The following EVL variants were observed in gnomAD, a reference collection of about 807,000 sequenced individuals.
EVL encodes the protein Enah/Vasp-like, also known as ena/VASP-like protein.
EVL carries 21 observed loss-of-function variants against 59.6 expected under a neutral mutation model. The observed-to-expected ratio is 0.35, with a 90% CI of 0.25 to 0.51. EVL has a LOEUF of 0.51. Ranked by LOEUF, EVL falls within the 20% of genes least tolerant of loss-of-function variation. The probability of loss-of-function intolerance (pLI) is 0.97; values close to 1 mark genes in which losing one functional copy is unlikely to be tolerated. For missense variants in EVL, 462 were observed against 546.6 expected (o/e 0.85, Z 1.54); for synonymous variants, 198 against 203.5 (o/e 0.97, Z 0.23).
intron 3 of EVL, chr14:100,107,467 G>C: frequency 2.5e-6 from 1 of 396,264 alleles, no homozygotes; most frequent in East Asian, 3.6e-5. Flanking sequence ...CCCAGTGAGG[G>C]GGAGGATGTG....
intron 2 of EVL, among the ~76,000 whole-genome samples, chr14:100,091,667 C>A (rs995724066): frequency 1.3e-5 from 2 of 152,130 alleles, no homozygotes; most frequent in Non-Finnish European, 2.9e-5. Flanking sequence ...ACCCGTAAAC[C>A]TAGGTAAACG....
Position 99,972,313 on chromosome 14 carries a change from C to T in EVL, c.5+256C>T, listed in dbSNP as rs1016062004. On this transcript the variant is annotated intron_variant, in intron 1 of 13. Transcript: ENST00000402714. The surrounding 1 kb of genome is among the most constrained non-coding windows in gnomAD (Gnocchi z 4.4). The stretch of plus-strand genomic sequence containing the variant: ...GCAGTGTTCTGCAAGGGGCAGGCGG[C>T]GCTGGCTTTGGCTGCTTGTGGGGTC... 4.6e-5 allele frequency among the ~76,000 whole-genome samples: 7 copies of T among 152,010 alleles called. No homozygotes were observed. Among genetic ancestry groups the T allele is most frequent in the Non-Finnish European group, 1.0e-4 (7 of 67,978 alleles).
At chr14:100,053,554 G>A (rs931225652) in intron 1 of EVL, among the ~76,000 whole-genome samples, 2 of 152,194 alleles carry the variant, frequency 1.3e-5, no homozygotes, top group Admixed American at 1.3e-4. Context: ...CAAAGTTATG[G>A]ATATTTTATT....
At chr14:100,125,289 CA>C (rs1389946884) in intron 4 of EVL, among the ~76,000 whole-genome samples, 1 of 146,090 alleles carries the variant, frequency 6.8e-6, no homozygotes, top group East Asian at 2.0e-4. Context: ...CACACACACA[CA>C]CACGGCAGGG....
intron 1 of EVL, among the ~76,000 whole-genome samples, chr14:99,982,929 AG>A (rs2140171860): frequency 6.6e-6 from 1 of 152,328 alleles, no homozygotes; most frequent in East Asian, 1.9e-4. Flanking sequence ...GTTTTTCTCA[AG>A]TATAAATGAG....
intron 2 of EVL, 150 bp downstream of exon 2, chr14:100,085,005 C>T (rs1232061399): frequency 3.9e-6 from 3 of 762,656 alleles, no homozygotes; most frequent in African/African-American, 3.5e-5. Flanking sequence ...ACTCCATATC[C>T]TCATAGTTCA....
chr14:100,019,455 G>T, intron 1 of EVL: 2 of 541,604 alleles, frequency 3.7e-6, no homozygotes, highest in Admixed American at 7.4e-5. Flanking sequence ...TTTTCTAGCT[G>T]CCTCCCCTGT....
At chr14:100,023,677 G>A (rs2061165289) in intron 1 of EVL, among the ~76,000 whole-genome samples, 1 of 151,646 alleles carries the variant, frequency 6.6e-6, no homozygotes, top group Non-Finnish European at 1.5e-5. Context: ...GACCAGGCTG[G>A]TCTTGAACTC....
chr14:100,034,435 G>A (rs1175513780), intron 1 of EVL, among the ~76,000 whole-genome samples: 1 of 151,990 alleles, frequency 6.6e-6, no homozygotes, highest in Non-Finnish European at 1.5e-5. Flanking sequence ...ATAGTGGAAG[G>A]AGAATCTGGA....
chr14:100,097,668 G>A lies in EVL; in HGVS notation c.358+10G>A. 6.2e-7 allele frequency: 1 copy of A among 1,602,994 alleles called. No individual in the cohort carries two copies. Among genetic ancestry groups the A allele is most frequent in the Non-Finnish European group, 8.5e-7 (1 of 1,174,126 alleles). ...AATTCCCAAGAAGGAGGTAAGTAGG[G>A]CTTTGTCTTGGCCTGATGCTGAGAC... On this transcript the variant is annotated intron_variant, in intron 3 of 13. Transcript: ENST00000392920.
At chr14:100,086,423 A>G (rs1008196786) in intron 2 of EVL, among the ~76,000 whole-genome samples, 3 of 152,228 alleles carry the variant, frequency 2.0e-5, no homozygotes, top group African/African-American at 7.2e-5. Flanking sequence ...CTTTGACACA[A>G]GGTCCACCTT....
At chr14:100,031,967 GCTCCCCTGCCTAGT>G (rs2061321479) in intron 1 of EVL, among the ~76,000 whole-genome samples, 1 of 152,198 alleles carries the variant, frequency 6.6e-6, no homozygotes, top group African/African-American at 2.4e-5. Context: ...CCCTCGCAGG[GCTCCCCTGCCTAGT>G]TTTTCGGAAG....
intron 1 of EVL, among the ~76,000 whole-genome samples, chr14:100,055,852 A>G (rs887478757): frequency 4.6e-5 from 7 of 151,750 alleles, no homozygotes; most frequent in African/African-American, 7.3e-5. Context: ...TTGCTCTGTC[A>G]CCAGACTGGA....
chr14:100,009,929 A>G (rs2061005812), intron 1 of EVL, among the ~76,000 whole-genome samples: 1 of 152,226 alleles, frequency 6.6e-6, no homozygotes. Flanking sequence ...ACCTGGGATT[A>G]ACGGAAAGGA....
intron 8 of EVL, 126 bp from the exon 9 acceptor site, chr14:100,135,778 TA>T: frequency 1.2e-6 from 1 of 822,550 alleles, no homozygotes. Flanking sequence ...AATGTTTTGC[TA>T]ATTATAAAAG....
intron 1 of EVL, among the ~76,000 whole-genome samples, chr14:100,048,517 G>A (rs1395290513): frequency 6.6e-6 from 1 of 152,170 alleles, no homozygotes; most frequent in Non-Finnish European, 1.5e-5. Flanking sequence ...CTCCTACACT[G>A]CCAGAAGGAA....
intron 1 of EVL, among the ~76,000 whole-genome samples, chr14:100,077,092 G>A (rs1348235369): frequency 1.3e-5 from 2 of 152,212 alleles, no homozygotes; most frequent in Admixed American, 1.3e-4. Context: ...CTCCCAATGA[G>A]GGAAGAGGCT....
intron 3 of EVL, among the ~76,000 whole-genome samples, chr14:100,099,695 AC>A (rs1886071647): frequency 1.3e-5 from 2 of 149,278 alleles, no homozygotes; most frequent in South Asian, 4.3e-4. Flanking sequence ...GTCTGAACTT[AC>A]CTCGCCTGCC....
chr14:100,057,554 A>G (rs2061753902), intron 1 of EVL, among the ~76,000 whole-genome samples: 1 of 152,100 alleles, frequency 6.6e-6, no homozygotes, highest in Admixed American at 6.5e-5. Context: ...GGTATAAGAA[A>G]CAGTTGGACT....
Sources: gnomAD v4.1 joint callset for allele counts (sites outside exome capture counted in the v4.1 genomes callset) on GRCh38, gnomAD v4.1.1 for gene constraint, Gnocchi (gnomAD v3.1) non-coding constraint, MANE v1.5 for transcripts, NCBI Gene and HGNC (gene_info 2026-07-23, HGNC 2026-07-21) for gene names.